The following SKP2 variants were observed in gnomAD, a reference collection of about 807,000 sequenced individuals.
SKP2 encodes the protein S-phase kinase associated protein 2.
SKP2 carries 16 observed loss-of-function variants against 51.8 expected under a neutral mutation model. That is an observed-to-expected ratio of 0.31 (90% CI 0.21 to 0.47). SKP2 has a LOEUF of 0.47. SKP2 is among the 20% of genes least tolerant of loss of function. SKP2 has a pLI of 1.00. For synonymous variants in SKP2, 176 were observed against 198.6 expected, an observed-to-expected ratio of 0.89 and a Z score of 0.96; for missense variants, 377 against 505.3, an observed-to-expected ratio of 0.75 and a Z score of 2.43.
At chr5:36,180,130 C>A (rs1307572785) in intron 9 of SKP2, 4 of 494,550 alleles carry the variant, frequency 8.1e-6, no homozygotes, top group Middle Eastern at 6.7e-4. Flanking sequence ...TCCTCCTTTT[C>A]TTACTCCACC....
chr5:36,154,632 G>A (rs1166657655), intron 2 of SKP2, among the ~76,000 whole-genome samples: 2 of 152,192 alleles, frequency 1.3e-5, no homozygotes, highest in African/African-American at 2.4e-5. Flanking sequence ...GGATTCGAAC[G>A]ATTCTCCTGC....
chr5:36,166,427 A>T, intron 3 of SKP2, 92 bp from the exon 4 acceptor site: 2 of 1,037,804 alleles, frequency 1.9e-6, no homozygotes, highest in Non-Finnish European at 2.9e-6. Context: ...AAGGAGATTT[A>T]GCAGCAGTGT....
chr5:36,170,507 G>A, intron 6 of SKP2, 65 bp downstream of exon 6: 2 of 952,376 alleles, frequency 2.1e-6, no homozygotes, highest in South Asian at 1.5e-5. Flanking sequence ...CCTCACATCT[G>A]TATAAAATGG....
intron 2 of SKP2, among the ~76,000 whole-genome samples, chr5:36,158,192 C>G (rs1745011909): frequency 6.6e-6 from 1 of 152,160 alleles, no homozygotes; most frequent in African/African-American, 2.4e-5. Flanking sequence ...GCAGCTACAG[C>G]CTTGCTGGAT....
At chr5:36,176,828 T>C in intron 7 of SKP2, 137 bp from the exon 8 acceptor site, 1 of 518,680 alleles carries the variant, frequency 1.9e-6, no homozygotes, top group Non-Finnish European at 3.4e-6. Context: ...ATGATCATTT[T>C]TTCTTTCTAA....
chr5:36,167,168 A>G (rs544115238), intron 4 of SKP2, among the ~76,000 whole-genome samples: 52 of 152,300 alleles, frequency 3.4e-4, no homozygotes, highest in African/African-American at 1.2e-3. Flanking sequence ...TTCTGTTCTG[A>G]TAATTTTGCA....
In SKP2 at chr5:36,183,217, T is replaced by C. The variant is rs11554961; in HGVS notation, c.*1186T>C. ...ACCTTTTGATACCATCAGTGATATATATTTTTTTAAACTGGTACAGAGAAG... is the reference window on the plus strand; with the variant it reads ...ACCTTTTGATACCATCAGTGATATACATTTTTTTAAACTGGTACAGAGAAG... On this transcript the variant is annotated 3_prime_UTR_variant, in exon 10 of 10. Transcript: ENST00000274255. The C allele has an allele frequency of 1.9e-3, 1,801 of 964,456 alleles. 26 individuals are homozygous for C. The African/African-American group carries it at 0.03, about 16-fold the overall frequency. The allele number at this position is 964,456 out of a possible 1,614,324, so 59.7% of individuals were successfully genotyped here. A position where few individuals can be genotyped will look rare whatever the true frequency, so the allele number is the denominator to read the frequency against.
At chr5:36,178,355 G>T (rs1745698556) in intron 9 of SKP2, among the ~76,000 whole-genome samples, 1 of 152,132 alleles carries the variant, frequency 6.6e-6, no homozygotes, top group African/African-American at 2.4e-5. Context: ...AAGTATTAAT[G>T]AATAAATCAG....
At chr5:36,187,199 T>G (rs750829904), downstream of SKP2, among the ~76,000 whole-genome samples, 6 of 152,204 alleles carry the variant, frequency 3.9e-5, no homozygotes, top group Non-Finnish European at 7.3e-5. Flanking sequence ...CCTGGATTCA[T>G]TGATTTTTTG....
rs755887705 is a variant in SKP2, at chr5:36,163,696, G to T, written c.332G>T (p.Cys111Phe). The change falls in exon 3 of 10, where the codon TGT becomes TTT. Residue 111 changes from cysteine to phenylalanine, a missense_variant. By Grantham distance (205) the Cys-to-Phe change is radical. This residue lies in a region of SKP2 where 262 missense variants were observed against 389.8 expected (regional missense o/e 0.67). Transcript: ENST00000274255. The part of the protein sequence containing the change: ...PDELLLGIFS[C>F]LCLPELLKVS... ...GAGCTGCTCTTGGGAATCTTTTCCTGTCTGTGCCTCCCTGAGCTGCTAAAG... is the reference window on the plus strand; with the variant it reads ...GAGCTGCTCTTGGGAATCTTTTCCTTTCTGTGCCTCCCTGAGCTGCTAAAG... 5.6e-6 allele frequency: 9 copies of T among 1,614,064 alleles called. No homozygotes were observed. Among genetic ancestry groups the T allele is most frequent in the Non-Finnish European group, 7.6e-6 (9 of 1,179,970 alleles).
At chr5:36,187,969 G>T (rs958368651), downstream of SKP2, among the ~76,000 whole-genome samples, 1 of 152,126 alleles carries the variant, frequency 6.6e-6, no homozygotes, top group Non-Finnish European at 1.5e-5. Context: ...TTGTTGAATT[G>T]ATCCCTTTAC....
At chr5:36,176,744 A>G (rs896281184) in intron 7 of SKP2, among the ~76,000 whole-genome samples, 1 of 151,910 alleles carries the variant, frequency 6.6e-6, no homozygotes, top group African/African-American at 2.4e-5. Flanking sequence ...TAAGCTAAAG[A>G]TTGTCATTTT....
downstream of SKP2, among the ~76,000 whole-genome samples, chr5:36,188,705 G>A (rs887148054): frequency 3.3e-5 from 5 of 152,086 alleles, no homozygotes; most frequent in Admixed American, 2.6e-4. Context: ...ACAATTATGT[G>A]CCTTCGGGTT....
At chr5:36,165,116 C>G (rs377456281) in intron 3 of SKP2, among the ~76,000 whole-genome samples, 6 of 152,304 alleles carry the variant, frequency 3.9e-5, no homozygotes, top group African/African-American at 1.4e-4. Context: ...ATTTATTAAG[C>G]ACTTGCTTTG....
At chr5:36,170,779 C>A (rs540763276) in intron 6 of SKP2, among the ~76,000 whole-genome samples, 1 of 152,236 alleles carries the variant, frequency 6.6e-6, no homozygotes, top group South Asian at 2.1e-4. Context: ...TATCTGTAGA[C>A]CTAACTTACA....
At chr5:36,178,187 G>C (rs1469735264) in intron 9 of SKP2, among the ~76,000 whole-genome samples, 1 of 152,120 alleles carries the variant, frequency 6.6e-6, no homozygotes, top group African/African-American at 2.4e-5. Flanking sequence ...GAGTTGATCA[G>C]GTGCCCAACA....
downstream of SKP2, among the ~76,000 whole-genome samples, chr5:36,187,146 T>C (rs1489617944): frequency 6.6e-6 from 1 of 152,002 alleles, no homozygotes; most frequent in African/African-American, 2.4e-5. Flanking sequence ...TTACTCTTGC[T>C]AGCGGTCTAT....
intron 2 of SKP2, among the ~76,000 whole-genome samples, chr5:36,158,322 T>C (rs144073739): frequency 3.9e-5 from 6 of 152,334 alleles, no homozygotes; most frequent in African/African-American, 1.4e-4. Context: ...GAGAATTAAA[T>C]ATGGCAAGGA....
At chr5:36,169,451 A>AT (rs1745399214) in intron 5 of SKP2, among the ~76,000 whole-genome samples, 1 of 151,552 alleles carries the variant, frequency 6.6e-6, no homozygotes, top group Non-Finnish European at 1.5e-5. Context: ...ATCTGAAAAA[A>AT]AAATAAAAAA....
Sources: gnomAD v4.1 joint callset for allele counts (sites outside exome capture counted in the v4.1 genomes callset) on GRCh38, gnomAD v4.1.1 for gene constraint, gnomAD v4.1.1 regional missense constraint, MANE v1.5 for transcripts, NCBI Gene and HGNC (gene_info 2026-07-23, HGNC 2026-07-21) for gene names.